DNAH11: variants seen among roughly 807,000 people sequenced by gnomAD.
The protein encoded by DNAH11 is axonemal beta dynein heavy chain 11.
DNAH11 carries 442 observed loss-of-function variants against 526.0 expected under a neutral mutation model. The ratio of observed to expected loss-of-function variants is 0.84; its 90% CI spans 0.78 to 0.91. The LOEUF (loss-of-function observed/expected upper bound fraction) is 0.91, where lower values mean the gene tolerates loss of function less well. Ranked by LOEUF, DNAH11 falls within the 40% of genes least tolerant of loss-of-function variation. The pLI is 0.00. For synonymous variants in DNAH11, 2,461 were observed against 1,935.9 expected (o/e 1.27, Z -7.12); for missense variants, 6,989 against 5,448.7 (o/e 1.28, Z -8.90).
intron 59 of DNAH11, among the ~76,000 whole-genome samples, 161 bp from the exon 60 acceptor site, chr7:21,787,240 C>G (rs1456484887): frequency 6.6e-6 from 1 of 152,190 alleles, no homozygotes; most frequent in African/African-American, 2.4e-5. Context: ...CTAATTCTGA[C>G]TTCGTACTAT....
chr7:21,577,680 GACTTCTGTCTCT>G, intron 8 of DNAH11, among the ~76,000 whole-genome samples: 1 of 152,250 alleles, frequency 6.6e-6, no homozygotes, highest in African/African-American at 2.4e-5. Context: ...GGAGAACCTG[GACTTCTGTCTCT>G]ATTGTAATGA....
intron 51 of DNAH11, among the ~76,000 whole-genome samples, chr7:21,746,724 C>A (rs1020696250): frequency 6.6e-6 from 1 of 152,120 alleles, no homozygotes; most frequent in Non-Finnish European, 1.5e-5. Context: ...AATTGTAGAG[C>A]CCTTCCTGTC....
At chr7:21,838,091 G>C (rs933162545) in intron 65 of DNAH11, among the ~76,000 whole-genome samples, 2 of 152,206 alleles carry the variant, frequency 1.3e-5, no homozygotes, top group Non-Finnish European at 2.9e-5. Context: ...CTGCTTGTGA[G>C]ATCATTTTGG....
chr7:21,655,461 G>A lies in DNAH11; in HGVS notation c.4945-371G>A, dbSNP rs565068045. On this transcript the variant is annotated intron_variant, in intron 28 of 81. Transcript: ENST00000409508. ...GACATTTTAATAGCTTTTTCATAGT[G>A]TACACTAATGCTAGGAATCTGAATT... Among the ~76,000 whole-genome samples the A allele has an allele frequency of 2.6e-5, 4 of 152,154 alleles. No homozygotes were observed. The South Asian group carries it at 6.2e-4, about 24-fold the overall frequency.
At chr7:21,682,633 T>G (rs2128472681) in intron 31 of DNAH11, among the ~76,000 whole-genome samples, 1 of 152,232 alleles carries the variant, frequency 6.6e-6, no homozygotes, top group Non-Finnish European at 1.5e-5. Flanking sequence ...TATTCCTATT[T>G]ACAAAAGTCA....
intron 8 of DNAH11, among the ~76,000 whole-genome samples, chr7:21,581,389 C>G (rs1014618599): frequency 2.0e-5 from 3 of 152,164 alleles, no homozygotes; most frequent in Admixed American, 1.3e-4. Context: ...CTCTGTATCA[C>G]TAATGATATT....
chr7:21,558,452 T>C (rs1258858064), intron 2 of DNAH11, among the ~76,000 whole-genome samples: 1 of 152,212 alleles, frequency 6.6e-6, no homozygotes, highest in Non-Finnish European at 1.5e-5. Flanking sequence ...TTCAGAAAGA[T>C]TGTTTTCATT....
chr7:21,760,366 T>C (rs577960386), intron 54 of DNAH11, among the ~76,000 whole-genome samples: 2 of 152,176 alleles, frequency 1.3e-5, no homozygotes, highest in Admixed American at 6.5e-5. Flanking sequence ...CTCTGTTCTT[T>C]TGGGGACCCG....
intron 74 of DNAH11, among the ~76,000 whole-genome samples, chr7:21,875,144 C>G (rs1358647112): frequency 1.3e-5 from 2 of 152,214 alleles, no homozygotes; most frequent in East Asian, 3.9e-4. Flanking sequence ...TAGTAGGACT[C>G]AAAAAATCTT....
At chr7:21,606,614 A>ATTT in intron 19 of DNAH11, 33 bp from the exon 20 acceptor site, 8 of 1,126,578 alleles carry the variant, frequency 7.1e-6, no homozygotes, top group Admixed American at 5.7e-5. Flanking sequence ...TTTGAAATTC[A>ATTT]CTTTTTTTTT....
chr7:21,594,046 A>ACTC (rs1002554403), intron 14 of DNAH11, among the ~76,000 whole-genome samples: 1 of 142,176 alleles, frequency 7.0e-6, no homozygotes, highest in Admixed American at 7.6e-5. Context: ...CCTCATGCAC[A>ACTC]CTCTTTCATA....
intron 25 of DNAH11, among the ~76,000 whole-genome samples, chr7:21,627,040 G>A (rs1483158433): frequency 2.6e-5 from 4 of 152,036 alleles, no homozygotes; most frequent in South Asian, 2.1e-4. Context: ...AATCCACAGC[G>A]CCCGGCCTGT....
chr7:21,791,980 CG>C (rs1788497858), intron 61 of DNAH11, among the ~76,000 whole-genome samples: 1 of 152,018 alleles, frequency 6.6e-6, no homozygotes, highest in Admixed American at 6.5e-5. Flanking sequence ...CTGCTTTGGG[CG>C]GGGCCTCAGG....
intron 76 of DNAH11, among the ~76,000 whole-genome samples, chr7:21,886,615 A>G (rs35900877): frequency 0.7 from 105,776 of 151,954 alleles, 39,093 homozygotes; most frequent in Non-Finnish European, 0.82. Context: ...ACCTTTACAG[A>G]GGCTGATTTC....
intron 8 of DNAH11, among the ~76,000 whole-genome samples, chr7:21,573,730 C>G (rs1362396219): frequency 6.6e-6 from 1 of 152,124 alleles, no homozygotes; most frequent in African/African-American, 2.4e-5. Context: ...CATGCCCAAC[C>G]TCTGCCCTTC....
chr7:21,736,359 A>C (rs1202834929), intron 46 of DNAH11, among the ~76,000 whole-genome samples: 1 of 152,192 alleles, frequency 6.6e-6, no homozygotes, highest in Non-Finnish European at 1.5e-5. Flanking sequence ...TCCCAGAGTT[A>C]GGTAGGGTGA....
At chr7:21,762,664 G>A (rs1786973644) in intron 54 of DNAH11, among the ~76,000 whole-genome samples, 1 of 152,124 alleles carries the variant, frequency 6.6e-6, no homozygotes, top group Admixed American at 6.6e-5. Context: ...ATGAAAAAAT[G>A]ATTACTCAGC....
At position 21,713,185 on chromosome 7, in the gene DNAH11, G is replaced by C. The variant is rs578064372; in HGVS notation, c.6983+1325G>C. On this transcript the variant is annotated intron_variant, in intron 42 of 81. Coordinates refer to ENST00000409508, the MANE Select transcript of DNAH11 (RefSeq NM_001277115.2). The stretch of plus-strand genomic sequence containing the variant: ...CGAACTGTAGGAGTCACTGAGCTCT[G>C]CCAGTGAACCCATGCTTGTGCCTGG... Among the ~76,000 whole-genome samples the C allele has an allele frequency of 2.6e-5, 4 of 152,262 alleles. No individual in the cohort carries two copies. In the East Asian group the frequency reaches 7.7e-4, roughly 29 times the overall value.
In DNAH11 at chr7:21,784,534, C is replaced by G; in HGVS notation, c.9591C>G (p.Leu3197=). The part of the protein sequence containing the change: ...LVAATAALNT[L]NRVNLSELKA... ...CTGCTACAGCTGCACTCAATACACT[C>G]AACAGGGTAAAGATAATTTATTGGT... The change falls in exon 58 of 82, where the codon CTC becomes CTG. Residue 3197 remains leucine (L), a synonymous_variant. Transcript: ENST00000409508. 6.2e-7 allele frequency: 1 copy of G among 1,601,906 alleles called. No individual in the cohort carries two copies.
Sources: allele counts gnomAD v4.1 joint callset (sites outside exome capture counted in the v4.1 genomes callset), GRCh38; gene constraint gnomAD v4.1.1; transcripts MANE v1.5; gene names NCBI Gene and HGNC (gene_info 2026-07-23, HGNC 2026-07-21).